Variants in NLRP5 observed in about 807,000 individuals in gnomAD.
NLRP5 encodes the protein NACHT, LRR and PYD domains-containing protein 5.
Under a neutral mutation model 113.1 loss-of-function variants are expected in NLRP5, and 93 were observed. The ratio of observed to expected loss-of-function variants is 0.82; its 90% CI spans 0.70 to 0.98. The LOEUF is 0.98. Ranked by LOEUF, NLRP5 falls within the 50% of genes least tolerant of loss-of-function variation. NLRP5 has a pLI of 0.00. For synonymous variants in NLRP5, 751 were observed against 600.7 expected (o/e 1.25, Z -3.66); for missense variants, 1,808 against 1,514.3 (o/e 1.19, Z -3.22).
At chr19:56,025,454 G>A (rs1469043263) in intron 6 of NLRP5, among the ~76,000 whole-genome samples, 1 of 151,208 alleles carries the variant, frequency 6.6e-6, no homozygotes, top group African/African-American at 2.4e-5. Context: ...CGCCCAGTCT[G>A]GAGTGCAGTG....
intron 13 of NLRP5, among the ~76,000 whole-genome samples, chr19:56,054,231 C>G (rs1430076817): frequency 6.6e-6 from 1 of 152,024 alleles, no homozygotes; most frequent in Non-Finnish European, 1.5e-5. Context: ...AGACAGAGCT[C>G]CAATATAGTG....
intron 9 of NLRP5, among the ~76,000 whole-genome samples, chr19:56,036,055 A>ATTTTTTTTTTTTTTTT (rs1261118713): frequency 6.6e-5 from 6 of 90,562 alleles, no homozygotes; most frequent in African/African-American, 1.5e-4. Flanking sequence ...ATGAATTGAG[A>ATTTTTTTTTTTTTTTT]TTCTTTTTTT....
At chr19:56,008,575 T>C (rs926825035) in intron 2 of NLRP5, among the ~76,000 whole-genome samples, 2 of 152,088 alleles carry the variant, frequency 1.3e-5, no homozygotes, top group African/African-American at 4.8e-5. Context: ...GCCAGAGAAT[T>C]CTTCACAAAC....
rs1982914347 is a variant in NLRP5, at chr19:56,027,577, G to A, written c.1344G>A (p.Glu448=). The change falls in exon 7 of 15, where the codon GAG becomes GAA. Residue 448 remains glutamate (E), a synonymous_variant. Coordinates refer to ENST00000390649, the MANE Select transcript of NLRP5 (RefSeq NM_153447.4). ...TGCTCCTTGAGCGCGGGATTGGTGA[G>A]CATCAGAAGACACAAGGGTTGCGTG... 6.2e-7 allele frequency: 1 copy of A among 1,613,814 alleles called. No homozygotes were observed.
Position 56,028,462 on chromosome 19 carries a change from C to G in NLRP5, c.2229C>G (p.Ile743Met). ...AAATTCGGGTGGATGTCAAAGGGAT[C>G]TTCCCAAGAGATGAGTCCGCTGAGG... The change falls in exon 7 of 15, where the codon ATC (isoleucine) becomes ATG (methionine). Residue 743 changes from isoleucine to methionine, a missense_variant. Physicochemically the swap from Ile to Met is conservative, Grantham distance 10. Transcript: ENST00000390649. 6.2e-7 allele frequency: 1 copy of G among 1,613,886 alleles called. No homozygotes were observed. Among genetic ancestry groups the G allele is most frequent in the Non-Finnish European group, 8.5e-7 (1 of 1,179,894 alleles).
chr19:56,030,775 T>C (rs990189193), intron 7 of NLRP5, among the ~76,000 whole-genome samples: 24 of 128,952 alleles, frequency 1.9e-4, no homozygotes, highest in South Asian at 1.1e-3. Flanking sequence ...AGTGCAGTGG[T>C]GCGATCTCAG....
At chr19:56,003,026 G>C (rs191115284) in intron 1 of NLRP5, among the ~76,000 whole-genome samples, 6 of 146,830 alleles carry the variant, frequency 4.1e-5, no homozygotes, top group Non-Finnish European at 7.4e-5. Flanking sequence ...AACTAGTTCA[G>C]CCATTGTGGA....
At chr19:56,003,024 C>G (rs1415779443) in intron 1 of NLRP5, among the ~76,000 whole-genome samples, 2 of 149,974 alleles carry the variant, frequency 1.3e-5, no homozygotes, top group African/African-American at 2.5e-5. Flanking sequence ...TAAACTAGTT[C>G]AGCCATTGTG....
intron 7 of NLRP5, among the ~76,000 whole-genome samples, chr19:56,031,567 G>A (rs1252609904): frequency 6.7e-6 from 1 of 148,938 alleles, no homozygotes; most frequent in Non-Finnish European, 1.5e-5. Context: ...GGAGGCAGAG[G>A]TTGCAGTGAG....
At chr19:56,055,776 A>C (rs984688700) in intron 13 of NLRP5, among the ~76,000 whole-genome samples, 17 of 151,198 alleles carry the variant, frequency 1.1e-4, no homozygotes, top group African/African-American at 4.1e-4. Flanking sequence ...CAATCTCCTG[A>C]CCTCATGATC....
Position 56,032,519 on chromosome 19 carries a change from G to A in NLRP5, c.2277-92G>A, listed in dbSNP as rs546752811. On this transcript the variant is annotated intron_variant, in intron 7 of 14. Coordinates refer to ENST00000390649, the MANE Select transcript of NLRP5 (RefSeq NM_153447.4). ...TCTAAAGCCACCGTGGTCTCACCTC[G>A]AGAGCTCGGTCCCTCTCCTCCGACG... is the stretch of plus-strand genomic sequence containing the variant. The A allele has an allele frequency of 3.4e-5, 41 of 1,220,402 alleles. No individual in the cohort carries two copies. The East Asian group carries it at 4.9e-4, about 15-fold the overall frequency. The allele number at this position is 1,220,402 out of a possible 1,614,324, so 75.6% of individuals were successfully genotyped here.
chr19:56,030,711 C>CTTTTTTTTTTTTTTTTTTTTTTTTTTTTT (rs1251579019), intron 7 of NLRP5, among the ~76,000 whole-genome samples: 1 of 47,766 alleles, frequency 2.1e-5, no homozygotes, highest in African/African-American at 1.8e-4. Flanking sequence ...TCGCTTTCTT[C>CTTTTTTTTTTTTTTTTTTTTTTTTTTTTT]TTCTTTTTTT....
chr19:56,035,701 C>G (rs1983285595), intron 9 of NLRP5, among the ~76,000 whole-genome samples: 1 of 152,186 alleles, frequency 6.6e-6, no homozygotes, highest in Non-Finnish European at 1.5e-5. Context: ...GCTCTCTTCT[C>G]TTCACTCCTG....
At chr19:56,015,996 T>C (rs1408759603) in intron 4 of NLRP5, among the ~76,000 whole-genome samples, 198 bp downstream of exon 4, 1 of 152,184 alleles carries the variant, frequency 6.6e-6, no homozygotes, top group African/African-American at 2.4e-5. Flanking sequence ...TACGATTATT[T>C]TCACTACAGT....
In NLRP5 at chr19:56,010,742, C is replaced by CAAAAAAA. The variant is rs1412317286; in HGVS notation, c.508+1896_508+1902dup. Among the ~76,000 whole-genome samples, 28 of 41,280 alleles carry CAAAAAAA rather than the reference C, an allele frequency of 6.8e-4. 4 individuals are homozygous for CAAAAAAA. The East Asian group carries it at 7.3e-3, about 11-fold the overall frequency. The allele number at this position is 41,280 out of a possible 152,430, so 27.1% of individuals were successfully genotyped here. ...GGGAAACAAGAGCTTAACTCTGTCT[C>CAAAAAAA]AAAAAAAAAAAAAGTCCCTTGAAAC... On this transcript the variant is annotated intron_variant, in intron 3 of 14. Coordinates refer to ENST00000390649, the MANE Select transcript of NLRP5 (RefSeq NM_153447.4).
At chr19:56,014,002 T>C (rs548999340) in intron 3 of NLRP5, among the ~76,000 whole-genome samples, 79 of 152,318 alleles carry the variant, frequency 5.2e-4, no homozygotes, top group African/African-American at 1.8e-3. Flanking sequence ...CATTATATTG[T>C]TGACTTGCAA....
At chr19:56,014,114 C>T (rs55854428) in intron 3 of NLRP5, among the ~76,000 whole-genome samples, 12,092 of 152,132 alleles carry the variant, frequency 0.079, 751 homozygotes, top group African/African-American at 0.16. Context: ...CTTTGAAGCA[C>T]AGCGGGCTTT....
chr19:56,046,429 T>TGTGTGTGTGTG (rs1555770191), intron 11 of NLRP5, among the ~76,000 whole-genome samples: 2 of 151,926 alleles, frequency 1.3e-5, no homozygotes, highest in Admixed American at 6.6e-5. Context: ...TGTGTTTCTG[T>TGTGTGTGTGTG]TACGTCCTTC....
At chr19:56,053,874 T>C in intron 13 of NLRP5, 66 bp downstream of exon 13, 1 of 1,476,302 alleles carries the variant, frequency 6.8e-7, no homozygotes, top group Non-Finnish European at 9.4e-7. Flanking sequence ...AGCATGAGGT[T>C]GCTTGAACAG....
Sources: allele counts gnomAD v4.1 joint callset (sites outside exome capture counted in the v4.1 genomes callset), GRCh38; gene constraint gnomAD v4.1.1; transcripts MANE v1.5; gene names NCBI Gene and HGNC (gene_info 2026-07-23, HGNC 2026-07-21).